The following COPS7A variants were observed in gnomAD, a reference collection of about 807,000 sequenced individuals.
COPS7A encodes the protein COP9 signalosome complex subunit 7a.
In COPS7A, 20 loss-of-function variants were observed where a neutral mutation model predicts 35.2. The ratio of observed to expected loss-of-function variants is 0.57; its 90% CI spans 0.40 to 0.83. The LOEUF (loss-of-function observed/expected upper bound fraction) is 0.83, where lower values mean the gene tolerates loss of function less well. Ranked by LOEUF, COPS7A falls within the 40% of genes least tolerant of loss-of-function variation. COPS7A has a pLI of 0.00. For missense variants in COPS7A, 247 were observed against 347.5 expected (o/e 0.71, Z 2.30); for synonymous variants, 139 against 141.4 (o/e 0.98, Z 0.12).
chr12:6,730,835 C>T lies in COPS7A; in HGVS notation c.788+15C>T. 6.2e-7 allele frequency: 1 copy of T among 1,613,612 alleles called. No individual in the cohort carries two copies. The highest frequency in any genetic ancestry group is 8.5e-7 in the Non-Finnish European group (1 of 1,179,812). The stretch of plus-strand genomic sequence containing the variant: ...AAGGGCAAGGGGTGAGCCAGGGTAG[C>T]AGGAACTGCTCACTTGCAGGGTGCC... On this transcript the variant is annotated intron_variant, in intron 7 of 7. Transcript: ENST00000543155.
chr12:6,727,840 C>A, intron 2 of COPS7A, 86 bp from the exon 3 acceptor site: 1 of 1,293,392 alleles, frequency 7.7e-7, no homozygotes, highest in Non-Finnish European at 1.1e-6. Flanking sequence ...AAAGATGGGG[C>A]CAAAAAGTGG....
At chr12:6,727,157 C>T (rs1029591575) in intron 2 of COPS7A, among the ~76,000 whole-genome samples, 3 of 151,868 alleles carry the variant, frequency 2.0e-5, no homozygotes, top group South Asian at 2.1e-4. Context: ...GCCAATGTGG[C>T]GAAACCCTGT....
In COPS7A at chr12:6,730,489, G is replaced by A; in HGVS notation, c.618G>A (p.Lys206=). ...NQHKEQQLGL[K]QQIESEVANL... ...ACAAGGAGCAGCAGCTGGGCCTGAA[G>A]CAGCAGATTGAGAGTGAGGTGAGCA... Residue 206 remains lysine, a synonymous_variant, in exon 6 of 8, where the codon AAG becomes AAA. Coordinates refer to ENST00000543155, the MANE Select transcript of COPS7A (RefSeq NM_001164094.2). 1 of 1,614,148 alleles carries A rather than the reference G, an allele frequency of 6.2e-7. No homozygotes were observed.
At chr12:6,728,975 G>C in intron 4 of COPS7A, 2 of 466,742 alleles carry the variant, frequency 4.3e-6, no homozygotes, top group Non-Finnish European at 3.9e-6. Context: ...CACCCAGGCA[G>C]ATGTCATTTT....
At chr12:6,727,795 CT>C in intron 2 of COPS7A, 130 bp from the exon 3 acceptor site, 2 of 801,828 alleles carry the variant, frequency 2.5e-6, no homozygotes, top group Non-Finnish European at 4.3e-6. Flanking sequence ...CAGAGAACTC[CT>C]TTTGGTGAGC....
chr12:6,724,570 C>G, intron 1 of COPS7A, 44 bp from the exon 2 acceptor site: 1 of 1,535,566 alleles, frequency 6.5e-7, no homozygotes, highest in Non-Finnish European at 9.0e-7. Context: ...TCCCATCCGA[C>G]CAGCCATCGG....
chr12:6,728,311 G>C lies in COPS7A; in HGVS notation c.327G>C (p.Lys109Asn). ...TTGTCACCCTGGCTGCTAAAGTAAA[G>C]GTGAGTGGCAGTCCCCCAGTCCTAC... Reference protein sequence around the residue: ...LSVVTLAAKVKCIPYAVLLEA... With the variant: ...LSVVTLAAKVNCIPYAVLLEA... Residue 109 changes from lysine (K) to asparagine (N), a missense_variant and splice_region_variant, in exon 4 of 8, where the codon AAG becomes AAC. Physicochemically the swap from Lys to Asn is moderately conservative, Grantham distance 94. Coordinates refer to ENST00000543155, the MANE Select transcript of COPS7A (RefSeq NM_001164094.2). The C allele has an allele frequency of 6.2e-7, 1 of 1,613,374 alleles. No individual in the cohort carries two copies.
intron 5 of COPS7A, 49 bp from the exon 6 acceptor site, chr12:6,730,351 CTG>C: frequency 1.3e-6 from 2 of 1,561,120 alleles, no homozygotes; most frequent in African/African-American, 1.4e-5. Context: ...TTCTGTGAGT[CTG>C]TGATCGCAGC....
Position 6,724,724 on chromosome 12 carries a change from A to G in COPS7A, c.68A>G (p.Lys23Arg), listed in dbSNP as rs1419984174. The change falls in exon 2 of 8, where the codon AAG (lysine) becomes AGG (arginine). Residue 23 changes from lysine (K) to arginine (R), a missense_variant. By Grantham distance (26) the Lys-to-Arg change is conservative. Coordinates refer to ENST00000543155, the MANE Select transcript of COPS7A (RefSeq NM_001164094.2). ...EQFLLLAKSA[K>R]GAALATLIHQ... is the part of the protein sequence containing the mutation. ...TTTCTGCTCCTAGCCAAGTCGGCCA[A>G]GGGGGCAGCGCTGGCCACACTCATC... 3.1e-6 allele frequency: 5 copies of G among 1,614,124 alleles called. No individual in the cohort carries two copies. The highest frequency in any genetic ancestry group is 1.1e-5 in the South Asian group (1 of 91,092).
chr12:6,731,045 C>G lies in COPS7A; in HGVS notation c.*6C>G, dbSNP rs1371136300. On this transcript the variant is annotated 3_prime_UTR_variant, in exon 8 of 8. Coordinates refer to ENST00000543155, the MANE Select transcript of COPS7A (RefSeq NM_001164094.2). The stretch of plus-strand genomic sequence containing the variant: ...TTTGGTCCAAGTCGAATTGAAAGGA[C>G]TGTCGTTTCCTCCCTGGGGATGTGG... The G allele has an allele frequency of 1.9e-6, 3 of 1,613,968 alleles. No homozygotes were observed. Among genetic ancestry groups the G allele is most frequent in the Non-Finnish European group, 2.5e-6 (3 of 1,180,004 alleles).
In COPS7A at chr12:6,729,347, G is replaced by A; in HGVS notation, c.428G>A (p.Gly143Asp). 6.2e-7 allele frequency: 1 copy of A among 1,614,182 alleles called. No individual in the cohort carries two copies. The highest frequency in any genetic ancestry group is 8.5e-7 in the Non-Finnish European group (1 of 1,180,040). ...GCTGTGTATGCTGACGTGCTTCGTG[G>A]CTCCCTGGACCAGCGCAACCAGCGG... ...IEAVYADVLR[G>D]SLDQRNQRLE... The change falls in exon 5 of 8, where the codon GGC (glycine) becomes GAC (aspartate). Residue 143 changes from glycine to aspartate, a missense_variant. Coordinates refer to ENST00000543155, the MANE Select transcript of COPS7A (RefSeq NM_001164094.2). The surrounding 1 kb of genome is among the most constrained non-coding windows in gnomAD (Gnocchi z 4.2).
At chr12:6,728,191 A>G (rs778782482) in intron 3 of COPS7A, 32 bp from the exon 4 acceptor site, 9 of 1,602,430 alleles carry the variant, frequency 5.6e-6, no homozygotes, top group Non-Finnish European at 7.7e-6. Context: ...AACTGAAATC[A>G]GGATTCCTTA....
At position 6,730,426 on chromosome 12, in the gene COPS7A, G is replaced by A. The variant is rs768507760; in HGVS notation, c.555G>A (p.Leu185=). The change falls in exon 6 of 8, where the codon CTG becomes CTA. Residue 185 remains leucine (L), a synonymous_variant. Coordinates refer to ENST00000543155, the MANE Select transcript of COPS7A (RefSeq NM_001164094.2). ...QEWCVGCEVV[L]SGIEEQVSRA... ...GGTGTGTGGGCTGTGAGGTCGTGCTGTCAGGCATTGAGGAGCAGGTGAGCC... is the reference window on the plus strand; with the variant it reads ...GGTGTGTGGGCTGTGAGGTCGTGCTATCAGGCATTGAGGAGCAGGTGAGCC... 1.9e-6 allele frequency: 3 copies of A among 1,614,136 alleles called. No homozygotes were observed. Among genetic ancestry groups the A allele is most frequent in the African/African-American group, 1.3e-5 (1 of 75,036 alleles).
At chr12:6,724,905 C>G in intron 2 of COPS7A, 87 bp downstream of exon 2, 1 of 1,388,238 alleles carries the variant, frequency 7.2e-7, no homozygotes, top group East Asian at 2.3e-5. Context: ...TTTTGTGATC[C>G]AATAACCATT....
At chr12:6,728,138 T>C (rs1407101181) in intron 3 of COPS7A, 85 bp from the exon 4 acceptor site, 4 of 1,475,638 alleles carry the variant, frequency 2.7e-6, no homozygotes, top group Non-Finnish European at 2.8e-6. Flanking sequence ...TGAATTGGCA[T>C]TGAAAGTGGG....
At chr12:6,725,915 G>A (rs2365100) in intron 2 of COPS7A, 302,663 of 455,320 alleles carry the variant, frequency 0.66, 101,958 homozygotes, top group South Asian at 0.81. Context: ...ACTTGGCTGG[G>A]TGCGGTGGCT....
At chr12:6,725,381 T>C (rs1354064901) in intron 2 of COPS7A, among the ~76,000 whole-genome samples, 1 of 152,058 alleles carries the variant, frequency 6.6e-6, no homozygotes, top group Admixed American at 6.6e-5. Flanking sequence ...ATGATCTCGA[T>C]CTCCTGACCT....
At chr12:6,725,635 G>C in intron 2 of COPS7A, 1 of 456,080 alleles carries the variant, frequency 2.2e-6, no homozygotes, top group South Asian at 1.5e-5. Context: ...GGGAGAACGT[G>C]TCTTTTTCCC....
At chr12:6,725,318 G>A (rs1013740912) in intron 2 of COPS7A, among the ~76,000 whole-genome samples, 8 of 151,956 alleles carry the variant, frequency 5.3e-5, no homozygotes, top group Non-Finnish European at 7.4e-5. Context: ...CACCATGCCC[G>A]GCTAACTTTT....
Sources: gnomAD v4.1 joint callset for allele counts (sites outside exome capture counted in the v4.1 genomes callset) on GRCh38, gnomAD v4.1.1 for gene constraint, Gnocchi (gnomAD v3.1) non-coding constraint, MANE v1.5 for transcripts, NCBI Gene and HGNC (gene_info 2026-07-23, HGNC 2026-07-21) for gene names.